The following LRRC4C variants were observed in gnomAD, a reference collection of about 807,000 sequenced individuals.
LRRC4C encodes the protein leucine-rich repeat-containing protein 4C.
Under a neutral mutation model 33.6 loss-of-function variants are expected in LRRC4C, and 5 were observed. The ratio of observed to expected loss-of-function variants is 0.15; its 90% CI spans 0.08 to 0.31. The LOEUF (loss-of-function observed/expected upper bound fraction) is 0.31. Among genes scored for constraint, LRRC4C ranks in the 10% least tolerant of loss-of-function variants. LRRC4C has a pLI of 1.00. For synonymous variants in LRRC4C, 329 were observed against 302.0 expected (o/e 1.09, Z -0.93); for missense variants, 560 against 796.7 (o/e 0.70, Z 3.58).
intron 3 of LRRC4C, among the ~76,000 whole-genome samples, chr11:40,570,825 G>A (rs1383396812): frequency 6.6e-6 from 1 of 151,904 alleles, no homozygotes; most frequent in East Asian, 1.9e-4. Flanking sequence ...TATGAATATT[G>A]AATGTACCAG....
At chr11:40,924,104 G>GTA (rs1957311089) in intron 2 of LRRC4C, among the ~76,000 whole-genome samples, 1 of 123,902 alleles carries the variant, frequency 8.1e-6, no homozygotes, top group Non-Finnish European at 1.9e-5. Context: ...GTGTGTATGT[G>GTA]TGTGTGTGTG....
chr11:40,775,009 T>C (rs1166856349), intron 2 of LRRC4C, among the ~76,000 whole-genome samples: 1 of 151,874 alleles, frequency 6.6e-6, no homozygotes, highest in Admixed American at 6.6e-5. Context: ...ATTACCTAAA[T>C]ATTTACATAT....
chr11:40,154,287 C>CAAAAAAAAAAAAAAAAAAA (rs60017606), intron 5 of LRRC4C, among the ~76,000 whole-genome samples: 2 of 114,200 alleles, frequency 1.8e-5, no homozygotes, highest in African/African-American at 3.2e-5. Flanking sequence ...AGCTAAAAAG[C>CAAAAAAAAAAAAAAAAAAA]AAAAAAAAAA....
intron 1 of LRRC4C, among the ~76,000 whole-genome samples, chr11:41,429,383 T>C (rs1229845646): frequency 1.3e-5 from 2 of 152,112 alleles, no homozygotes; most frequent in East Asian, 3.9e-4. Flanking sequence ...ACATATCCTT[T>C]GGTGGTTTAA....
intron 2 of LRRC4C, among the ~76,000 whole-genome samples, chr11:40,864,658 G>T (rs929024890): frequency 1.3e-5 from 2 of 152,128 alleles, no homozygotes; most frequent in African/African-American, 4.8e-5. Flanking sequence ...AGTGGATTAA[G>T]GTACCCTTTC....
chr11:41,382,265 T>G (rs1272537308), intron 1 of LRRC4C, among the ~76,000 whole-genome samples: 1 of 151,986 alleles, frequency 6.6e-6, no homozygotes, highest in Non-Finnish European at 1.5e-5. Flanking sequence ...AGTCGGCATT[T>G]CTAAAACAAT....
intron 3 of LRRC4C, among the ~76,000 whole-genome samples, chr11:40,331,980 A>T (rs1264255261): frequency 1.3e-5 from 2 of 152,234 alleles, no homozygotes; most frequent in African/African-American, 4.8e-5. Flanking sequence ...CCTAGTGAAT[A>T]CAGGTAAGAT....
chr11:40,997,566 T>C (rs949865834), intron 1 of LRRC4C, among the ~76,000 whole-genome samples: 5 of 152,092 alleles, frequency 3.3e-5, no homozygotes, highest in African/African-American at 9.7e-5. Context: ...AAAAAGTTAG[T>C]TGTGAAGAAA....
chr11:41,032,579 T>C (rs903679286), intron 1 of LRRC4C, among the ~76,000 whole-genome samples: 1 of 152,044 alleles, frequency 6.6e-6, no homozygotes, highest in East Asian at 1.9e-4. Context: ...CCAAAATTGG[T>C]TCATCAATGG....
At chr11:41,327,848 T>C (rs1951170178) in intron 1 of LRRC4C, among the ~76,000 whole-genome samples, 1 of 152,182 alleles carries the variant, frequency 6.6e-6, no homozygotes, top group African/African-American at 2.4e-5. Flanking sequence ...TCTTTGCTCC[T>C]CCTTTTCACC....
chr11:40,339,969 A>G (rs2137001792), intron 3 of LRRC4C, among the ~76,000 whole-genome samples: 1 of 152,310 alleles, frequency 6.6e-6, no homozygotes, highest in East Asian at 1.9e-4. Flanking sequence ...GAGAGTAAAA[A>G]TCTAAAGATT....
intron 2 of LRRC4C, among the ~76,000 whole-genome samples, chr11:40,766,749 A>G (rs1398562316): frequency 6.6e-6 from 1 of 152,074 alleles, no homozygotes; most frequent in African/African-American, 2.4e-5. Flanking sequence ...TGCAAACCTC[A>G]TGGTAAATTC....
chr11:40,911,674 C>A (rs943297429), intron 2 of LRRC4C, among the ~76,000 whole-genome samples: 6 of 152,186 alleles, frequency 3.9e-5, no homozygotes, highest in African/African-American at 9.7e-5. Flanking sequence ...TCCTCACCAG[C>A]AATGGAACAA....
chr11:40,466,780 T>C (rs192698672), intron 3 of LRRC4C, among the ~76,000 whole-genome samples: 8 of 152,162 alleles, frequency 5.3e-5, no homozygotes, highest in Non-Finnish European at 1.0e-4. Context: ...TATTTTACTG[T>C]TACATTCATC....
At chr11:40,969,223 C>A (rs1180467981) in intron 1 of LRRC4C, among the ~76,000 whole-genome samples, 1 of 152,092 alleles carries the variant, frequency 6.6e-6, no homozygotes, top group African/African-American at 2.4e-5. Context: ...GTGTCTAAAG[C>A]TGTAATCAAA....
intron 2 of LRRC4C, among the ~76,000 whole-genome samples, chr11:40,865,346 C>T (rs1463942919): frequency 6.6e-6 from 1 of 151,922 alleles, no homozygotes; most frequent in Non-Finnish European, 1.5e-5. Context: ...TACAAAATTA[C>T]AGTTAGATAG....
At chr11:40,742,224 A>T (rs1341986950) in intron 2 of LRRC4C, among the ~76,000 whole-genome samples, 2 of 151,940 alleles carry the variant, frequency 1.3e-5, no homozygotes, top group East Asian at 3.9e-4. Context: ...CATCATTGAG[A>T]TTTTTTTAAA....
intron 1 of LRRC4C, among the ~76,000 whole-genome samples, chr11:41,432,229 C>G (rs570590463): frequency 4.6e-5 from 7 of 152,294 alleles, no homozygotes; most frequent in African/African-American, 1.7e-4. Context: ...CTCAGTTTGA[C>G]TCACCAATTT....
At chr11:40,227,400 C>A (rs1353577347) in intron 5 of LRRC4C, among the ~76,000 whole-genome samples, 4 of 152,176 alleles carry the variant, frequency 2.6e-5, no homozygotes, top group Non-Finnish European at 5.9e-5. Flanking sequence ...ATTCTCTCTT[C>A]CTTTAACCAC....
Sources: allele counts gnomAD v4.1 joint callset (sites outside exome capture counted in the v4.1 genomes callset), GRCh38; gene constraint gnomAD v4.1.1; transcripts MANE v1.5; gene names NCBI Gene and HGNC (gene_info 2026-07-23, HGNC 2026-07-21).